CIITA: variants seen among roughly 807,000 people sequenced by gnomAD.
CIITA encodes MHC class II transactivator.
In CIITA, 72 loss-of-function variants were observed where a neutral mutation model predicts 115.1. The ratio of observed to expected loss-of-function variants is 0.63; its 90% CI spans 0.52 to 0.76. The LOEUF (loss-of-function observed/expected upper bound fraction) is 0.76. Ranked by LOEUF, CIITA falls within the 30% of genes least tolerant of loss-of-function variation. CIITA has a pLI of 0.00. For missense variants in CIITA, 1,617 were observed against 1,463.8 expected, an observed-to-expected ratio of 1.10 and a Z score of -1.71; for synonymous variants, 763 against 635.6, an observed-to-expected ratio of 1.20 and a Z score of -3.02.
chr16:10,928,372 C>T lies in CIITA; in HGVS notation c.*4517C>T, dbSNP rs2040622348. 1.3e-5 allele frequency: 2 copies of T among 152,454 alleles called. No homozygotes were observed. The highest frequency in any genetic ancestry group is 2.1e-4 in the South Asian group (1 of 4,840). 9.4% of individuals were successfully genotyped at this position (152,454 alleles called of 1,614,324 possible). A position where few individuals can be genotyped will look rare whatever the true frequency, so the allele number is the denominator to read the frequency against. ...GCATGATCTCAACTCACTGCAACCT[C>T]TGCCTCCCTGGTTTCAAGCAATTCT... On this transcript the variant is annotated 3_prime_UTR_variant, in exon 20 of 20. Coordinates refer to ENST00000324288, the MANE Select transcript of CIITA (RefSeq NM_000246.4).
upstream of CIITA, chr16:10,877,097 T>A (rs962838940): frequency 1.6e-5 from 10 of 611,682 alleles, no homozygotes; most frequent in African/African-American, 1.8e-4. Flanking sequence ...GAAACAGAAA[T>A]CTGACCGCTT....
intron 1 of CIITA, among the ~76,000 whole-genome samples, chr16:10,878,139 G>C (rs1383077253): frequency 6.6e-6 from 1 of 152,186 alleles, no homozygotes; most frequent in Non-Finnish European, 1.5e-5. Context: ...TGAGCTCATA[G>C]GAGCTCAATT....
At chr16:10,906,374 C>A (rs1011493286) in intron 10 of CIITA, 125 bp from the exon 11 acceptor site, 27 of 1,220,218 alleles carry the variant, frequency 2.2e-5, no homozygotes, top group Admixed American at 1.9e-4. Context: ...CAAAACAAAA[C>A]AAACAAACAA....
At chr16:10,918,184 C>T (rs188836265) in intron 15 of CIITA, among the ~76,000 whole-genome samples, 1 of 152,176 alleles carries the variant, frequency 6.6e-6, no homozygotes, top group Non-Finnish European at 1.5e-5. Flanking sequence ...TGAAAAGTGG[C>T]GCAGAGGGAA....
chr16:10,900,834 AT>A (rs1194843088), intron 5 of CIITA, among the ~76,000 whole-genome samples: 3 of 152,174 alleles, frequency 2.0e-5, no homozygotes, highest in African/African-American at 7.2e-5. Flanking sequence ...TGATTCTACA[AT>A]TAATGTTGGG....
chr16:10,881,025 G>C (rs1458272317), intron 1 of CIITA, among the ~76,000 whole-genome samples: 1 of 152,192 alleles, frequency 6.6e-6, no homozygotes, highest in Non-Finnish European at 1.5e-5. Flanking sequence ...TGTAATCCTA[G>C]CACTTTGGGA....
Position 10,925,984 on chromosome 16 carries a change from C to T in CIITA, c.*2129C>T, listed in dbSNP as rs534244586. ...GGGACTTGGAAGCTCCGCTTTCTAC[C>T]CAGCGAGCTGCCGGCACGACTGTTG... On this transcript the variant is annotated 3_prime_UTR_variant, in exon 20 of 20. Transcript: ENST00000324288. 1.3e-5 allele frequency: 2 copies of T among 152,354 alleles called. No individual in the cohort carries two copies. Among genetic ancestry groups the T allele is most frequent in the South Asian group, 4.1e-4 (2 of 4,826 alleles). The allele number at this position is 152,354 out of a possible 1,614,324, so 9.4% of individuals were successfully genotyped here. A position where few individuals can be genotyped will look rare whatever the true frequency, so the allele number is the denominator to read the frequency against.
At chr16:10,894,943 C>T (rs1244423242) in intron 1 of CIITA, among the ~76,000 whole-genome samples, 1 of 152,160 alleles carries the variant, frequency 6.6e-6, no homozygotes. Flanking sequence ...ATGTGCCTGG[C>T]GTATAGGAGG....
intron 1 of CIITA, among the ~76,000 whole-genome samples, chr16:10,867,460 CAG>C (rs776878796): frequency 8.7e-5 from 13 of 149,412 alleles, no homozygotes; most frequent in Non-Finnish European, 1.9e-4. Context: ...CAGAAAGAGA[CAG>C]AGAGACAGGC....
rs1417841601 is a variant in CIITA, at chr16:10,923,208, A to C, written c.3318-20A>C. The C allele has an allele frequency of 1.2e-6, 2 of 1,610,882 alleles. No individual in the cohort carries two copies. Among genetic ancestry groups the C allele is most frequent in the Admixed American group, 1.7e-5 (1 of 60,002 alleles). On this transcript the variant is annotated intron_variant, in intron 18 of 19. Transcript: ENST00000324288. This position sits in a 1 kb window ranked among gnomAD's most constrained non-coding sequence, Gnocchi z 5.2. ...CCCTCTCTCCTCTAACCTGGCTCTG[A>C]GTCCCATCCCCCCTTGCAGGATGTG...
chr16:10,941,671 C>G lies in CIITA; in HGVS notation n.797C>G, dbSNP rs766184370. On this transcript the variant is annotated non_coding_transcript_exon_variant, in exon 2 of 2. Transcript: ENST00000573379. This position sits in a 1 kb window ranked among gnomAD's most constrained non-coding sequence, Gnocchi z 6.4. ...CATGATCTGGGCGGCTGGTCCAGGG[C>G]ATGGGTTGCGGATCGTGTAGGGAAG... 2.8e-5 allele frequency: 43 copies of G among 1,560,410 alleles called. 2 individuals are homozygous for G. In the South Asian group the frequency reaches 5.2e-4, roughly 19 times the overall value.
intron 11 of CIITA, chr16:10,908,390 C>T: frequency 1.5e-6 from 1 of 654,084 alleles, no homozygotes; most frequent in Non-Finnish European, 2.8e-6. Context: ...CGCCATGTGC[C>T]AGTCACTGGG....
In CIITA at chr16:10,935,834, CTCTGCTTAAT is replaced by C. The variant is rs2041001602; in HGVS notation, c.*11980_*11989del. 6.6e-6 allele frequency: 1 copy of C among 152,224 alleles called. No homozygotes were observed. The highest frequency in any genetic ancestry group is 6.5e-5 in the Admixed American group (1 of 15,282). 9.4% of individuals were successfully genotyped at this position (152,224 alleles called of 1,614,324 possible). A position where few individuals can be genotyped will look rare whatever the true frequency, so the allele number is the denominator to read the frequency against. ...CAGTTTACAAAACACCAGCCTTGTA[CTCTGCTTAAT>C]ATGTCAATGTCACAAGAGAGAAAGA... On this transcript the variant is annotated 3_prime_UTR_variant, in exon 20 of 20. Transcript: ENST00000324288.
chr16:10,902,635 C>T (rs1031267583), intron 7 of CIITA, 23 bp from the exon 8 acceptor site: 5 of 1,614,196 alleles, frequency 3.1e-6, no homozygotes, highest in East Asian at 4.5e-5. Flanking sequence ...AAGATCCCAC[C>T]TCACTGCCTT....
At position 10,901,153 on chromosome 16, in the gene CIITA, T is replaced by C. The variant is rs553690594; in HGVS notation, c.437-361T>C. On this transcript the variant is annotated intron_variant, in intron 5 of 19. Coordinates refer to ENST00000324288, the MANE Select transcript of CIITA (RefSeq NM_000246.4). The surrounding 1 kb of genome is among the most constrained non-coding windows in gnomAD (Gnocchi z 6.8). The stretch of plus-strand genomic sequence containing the variant: ...TGCAATGTAGGAACCACCACCCCCA[T>C]TTCATAGATGTGAGATCAAAGGTTC... 6.6e-6 allele frequency among the ~76,000 whole-genome samples: 1 copy of C among 152,290 alleles called. No homozygotes were observed. Among genetic ancestry groups the C allele is most frequent in the South Asian group, 2.1e-4 (1 of 4,816 alleles).
Position 10,920,522 on chromosome 16 carries a change from C to T in CIITA, c.3150-1645C>T, listed in dbSNP as rs568935869. Among the ~76,000 whole-genome samples, 34 of 152,312 alleles carry T rather than the reference C, an allele frequency of 2.2e-4. No homozygotes were observed. The highest frequency in any genetic ancestry group is 3.7e-4 in the Non-Finnish European group (25 of 68,012). ...TCAGCCTTCCAAAGTGCTGGGATTA[C>T]GGGTGTGAGCCACCATGCCCAGCCT... On this transcript the variant is annotated intron_variant, in intron 16 of 19. Transcript: ENST00000324288. The surrounding 1 kb of genome is among the most constrained non-coding windows in gnomAD (Gnocchi z 4.5).
In CIITA at chr16:10,932,618, A is replaced by G. The variant is rs2145355953; in HGVS notation, c.*8763A>G. On this transcript the variant is annotated 3_prime_UTR_variant, in exon 20 of 20. Transcript: ENST00000324288. ...CTGGGGCCACATATAAAATATACTAATGATAGCTCATGAGCTAAAAAATAA... is the reference window on the plus strand; with the variant it reads ...CTGGGGCCACATATAAAATATACTAGTGATAGCTCATGAGCTAAAAAATAA... The G allele has an allele frequency of 6.6e-6, 1 of 151,818 alleles. No individual in the cohort carries two copies. Among genetic ancestry groups the G allele is most frequent in the East Asian group, 1.9e-4 (1 of 5,160 alleles). The allele number at this position is 151,818 out of a possible 1,614,324, so 9.4% of individuals were successfully genotyped here. A position where few individuals can be genotyped will look rare whatever the true frequency, so the allele number is the denominator to read the frequency against.
upstream of CIITA, among the ~76,000 whole-genome samples, chr16:10,876,514 G>C (rs1384600920): frequency 1.3e-5 from 2 of 152,334 alleles, no homozygotes; most frequent in South Asian, 2.1e-4. Context: ...TTAAAGACAT[G>C]TTCACACCAA....
intron 1 of CIITA, among the ~76,000 whole-genome samples, chr16:10,893,571 C>T (rs1359273310): frequency 3.3e-5 from 5 of 151,802 alleles, no homozygotes; most frequent in Non-Finnish European, 5.9e-5. Flanking sequence ...TTTGGGAGGC[C>T]GAGGAGACAG....
Sources: allele counts gnomAD v4.1 joint callset (sites outside exome capture counted in the v4.1 genomes callset), GRCh38; gene constraint gnomAD v4.1.1; non-coding constraint Gnocchi (gnomAD v3.1); transcripts MANE v1.5; gene names NCBI Gene and HGNC (gene_info 2026-07-23, HGNC 2026-07-21).